IMPG2: variants seen among roughly 807,000 people sequenced by gnomAD.
IMPG2 encodes interphotoreceptor matrix proteoglycan 2, also known as IPM 200.
In IMPG2, 91 loss-of-function variants were observed where a neutral mutation model predicts 129.2. The ratio of observed to expected loss-of-function variants is 0.70; its 90% CI spans 0.59 to 0.84. IMPG2 has a LOEUF of 0.84. Among genes scored for constraint, IMPG2 ranks in the 40% least tolerant of loss-of-function variants. The pLI, the probability that IMPG2 is intolerant of heterozygous loss-of-function variation, is 0.00. For missense variants in IMPG2, 1,430 were observed against 1,461.7 expected (o/e 0.98, Z 0.35); for synonymous variants, 510 against 517.7 (o/e 0.99, Z 0.20).
At chr3:101,284,574 A>AC (rs1706926201) in intron 4 of IMPG2, among the ~76,000 whole-genome samples, 1 of 151,972 alleles carries the variant, frequency 6.6e-6, no homozygotes, top group Non-Finnish European at 1.5e-5. Flanking sequence ...ACAAAAAAAA[A>AC]CAAAATCATT....
At chr3:101,307,490 C>T (rs1164794867) in intron 2 of IMPG2, among the ~76,000 whole-genome samples, 1 of 152,118 alleles carries the variant, frequency 6.6e-6, no homozygotes, top group Admixed American at 6.5e-5. Flanking sequence ...GGAAGGGAAG[C>T]AAACACATCC....
At position 101,270,633 on chromosome 3, in the gene IMPG2, C is replaced by T. The variant is rs569058178; in HGVS notation, c.829-1060G>A. Among the ~76,000 whole-genome samples the T allele has an allele frequency of 5.9e-5, 9 of 152,008 alleles. 1 individual carries two copies. The highest frequency in any genetic ancestry group is 2.2e-4 in the African/African-American group (9 of 41,460). ...GCTAACATGGTGAAACCCGTCTCTA[C>T]TAAAAAAATACAAAAAATCAGCCAG... On this transcript the variant is annotated intron_variant, in intron 7 of 18. Transcript: ENST00000193391.
At chr3:101,230,805 C>A (rs555007756) in intron 16 of IMPG2, 152 bp downstream of exon 16, 4 of 684,612 alleles carry the variant, frequency 5.8e-6, no homozygotes, top group Non-Finnish European at 7.7e-6. Flanking sequence ...CAATTTGACA[C>A]CCCTTTGAGG....
At chr3:101,303,681 A>C (rs1707161008) in intron 3 of IMPG2, among the ~76,000 whole-genome samples, 1 of 152,184 alleles carries the variant, frequency 6.6e-6, no homozygotes, top group Non-Finnish European at 1.5e-5. Flanking sequence ...AAGTGAGCAC[A>C]CTCATTATTA....
chr3:101,229,641 G>T, intron 16 of IMPG2, 51 bp from the exon 17 acceptor site: 1 of 1,481,266 alleles, frequency 6.8e-7, no homozygotes, highest in African/African-American at 1.4e-5. Context: ...GCTCAACTAT[G>T]TGGAAGACTA....
Position 101,304,031 on chromosome 3 carries a change from A to G in IMPG2, c.501+115T>C, listed in dbSNP as rs141075162. ...TAGGGCAGCTTACTCAGATAGCCCA[A>G]TTCAACAAAAGAGTAATACAGGCAT... On this transcript the variant is annotated intron_variant, in intron 3 of 18. Coordinates refer to ENST00000193391, the MANE Select transcript of IMPG2 (RefSeq NM_016247.4). 1,504 of 1,108,608 alleles carry G rather than the reference A, an allele frequency of 1.4e-3. 4 individuals are homozygous for G. The highest frequency in any genetic ancestry group is 1.7e-3 in the Non-Finnish European group (1,251 of 730,386). The allele number at this position is 1,108,608 out of a possible 1,614,324, so 68.7% of individuals were successfully genotyped here.
chr3:101,229,167 G>A lies in IMPG2; in HGVS notation c.3633+213C>T, dbSNP rs73863024. Reference sequence around the variant, plus strand: ...AAAAAAAAAAAAGCGCCATTGTGGGGGAAATAAGGTACCGCTTAGAATTTA... The same window carrying A: ...AAAAAAAAAAAAGCGCCATTGTGGGAGAAATAAGGTACCGCTTAGAATTTA... On this transcript the variant is annotated intron_variant, in intron 17 of 18. Transcript: ENST00000193391. Among the ~76,000 whole-genome samples the A allele has an allele frequency of 8.6e-3, 1,284 of 149,422 alleles. 25 individuals are homozygous for A. The highest frequency in any genetic ancestry group is 0.029 in the African/African-American group (1,197 of 40,802).
In IMPG2 at chr3:101,269,242, T is replaced by C. The variant is rs1264874630; in HGVS notation, c.887+273A>G. On this transcript the variant is annotated intron_variant, in intron 8 of 18. Transcript: ENST00000193391. ...CAGTGCCAAATAAGACCTACGTAACTTGTCAGCAGCAAGCTGGGGACATGA... is the reference window on the plus strand; with the variant it reads ...CAGTGCCAAATAAGACCTACGTAACCTGTCAGCAGCAAGCTGGGGACATGA... 3.3e-5 allele frequency among the ~76,000 whole-genome samples: 5 copies of C among 152,236 alleles called. No homozygotes were observed. The East Asian group carries it at 9.7e-4, about 29-fold the overall frequency.
chr3:101,287,694 AT>A (rs1335748347), intron 4 of IMPG2, among the ~76,000 whole-genome samples: 2 of 152,204 alleles, frequency 1.3e-5, no homozygotes, highest in East Asian at 1.9e-4. Flanking sequence ...CATATGTAGA[AT>A]AAAAAAAACT....
At chr3:101,286,091 TCCTTCTCTTTA>T (rs1377848156) in intron 4 of IMPG2, among the ~76,000 whole-genome samples, 2 of 152,242 alleles carry the variant, frequency 1.3e-5, no homozygotes, top group East Asian at 3.9e-4. Flanking sequence ...CGCCATAATT[TCCTTCTCTTTA>T]AGAGAAGGAT....
At chr3:101,292,422 T>C (rs1707028762) in intron 3 of IMPG2, among the ~76,000 whole-genome samples, 1 of 152,236 alleles carries the variant, frequency 6.6e-6, no homozygotes, top group Non-Finnish European at 1.5e-5. Context: ...TACATTATAC[T>C]GTAGTCTATT....
intron 7 of IMPG2, 109 bp downstream of exon 7, chr3:101,273,472 A>G: frequency 8.5e-7 from 1 of 1,178,848 alleles, no homozygotes; most frequent in Non-Finnish European, 1.2e-6. Context: ...TCCAGGAACC[A>G]AGTAGACAAA....
intron 3 of IMPG2, among the ~76,000 whole-genome samples, chr3:101,296,495 T>C (rs1282649233): frequency 6.6e-6 from 1 of 152,222 alleles, no homozygotes; most frequent in Non-Finnish European, 1.5e-5. Context: ...TTTGCATCAA[T>C]GTTCATCAGG....
At chr3:101,309,785 C>A (rs573135869) in intron 2 of IMPG2, among the ~76,000 whole-genome samples, 11 of 152,218 alleles carry the variant, frequency 7.2e-5, no homozygotes, top group African/African-American at 2.6e-4. Flanking sequence ...TTCATAATAA[C>A]TTAAAAATGA....
chr3:101,253,091 G>A (rs1312633815), intron 11 of IMPG2, among the ~76,000 whole-genome samples: 1 of 152,076 alleles, frequency 6.6e-6, no homozygotes, highest in Non-Finnish European at 1.5e-5. Context: ...TTTAGAGGGG[G>A]AAGAGGAATT....
At position 101,244,217 on chromosome 3, in the gene IMPG2, T is replaced by C. The variant is rs761348424; in HGVS notation, c.2114A>G (p.His705Arg). The C allele has an allele frequency of 7.1e-5, 115 of 1,613,872 alleles. No individual in the cohort carries two copies. Among genetic ancestry groups the C allele is most frequent in the Non-Finnish European group, 9.3e-5 (110 of 1,179,996 alleles). ...ATCAACACCAGGTACTTCTGATATG[T>C]GCTTGGGGAGGGTTAGAGACGCAGA... ...AESASLTLPK[H>R]ISEVPGVDDY... The change falls in exon 13 of 19, where the codon CAC becomes CGC. Residue 705 changes from histidine to arginine, a missense_variant. Transcript: ENST00000193391.
chr3:101,292,102 A>C (rs1401406918), intron 3 of IMPG2, among the ~76,000 whole-genome samples: 1 of 152,220 alleles, frequency 6.6e-6, no homozygotes, highest in Non-Finnish European at 1.5e-5. Flanking sequence ...TTCAAGTTCC[A>C]GTTTCCCCTC....
rs930112619 is a variant in IMPG2 at position 101,303,107 on chromosome 3, C to T, written c.501+1039G>A. 4.6e-5 allele frequency among the ~76,000 whole-genome samples: 7 copies of T among 152,264 alleles called. No homozygotes were observed. In the East Asian group the frequency reaches 7.7e-4, roughly 17 times the overall value. ...GTTATTCAGTCAATAATTATTTCCT[C>T]AGTCTCTGTAAGGTATGTAATACTT... On this transcript the variant is annotated intron_variant, in intron 3 of 18. Transcript: ENST00000193391.
chr3:101,235,382 G>A (rs1370332357), intron 14 of IMPG2, among the ~76,000 whole-genome samples: 1 of 152,164 alleles, frequency 6.6e-6, no homozygotes, highest in Non-Finnish European at 1.5e-5. Context: ...TCAGATTTCA[G>A]ATTTTCATAT....
Sources: allele counts gnomAD v4.1 joint callset (sites outside exome capture counted in the v4.1 genomes callset), GRCh38; gene constraint gnomAD v4.1.1; transcripts MANE v1.5; gene names NCBI Gene and HGNC (gene_info 2026-07-23, HGNC 2026-07-21).